The following LHFPL3 variants were observed in gnomAD, a reference collection of about 807,000 sequenced individuals.
The protein encoded by LHFPL3 is LHFPL tetraspan subfamily member 3 protein.
LHFPL3 carries 5 observed loss-of-function variants against 19.3 expected under a neutral mutation model. The observed-to-expected ratio is 0.26, with a 90% CI of 0.14 to 0.54. LHFPL3 has a LOEUF of 0.54. Ranked by LOEUF, LHFPL3 falls within the 20% of genes least tolerant of loss-of-function variation. The pLI is 0.94. For missense variants in LHFPL3, 249 were observed against 307.4 expected, an observed-to-expected ratio of 0.81 and a Z score of 1.42; for synonymous variants, 133 against 126.2, an observed-to-expected ratio of 1.05 and a Z score of -0.36.
chr7:104,669,578 C>T lies in LHFPL3; in HGVS notation c.446-67097C>T, dbSNP rs1445705006. The T allele has an allele frequency of 5.0e-6, 8 of 1,611,394 alleles. No homozygotes were observed. The East Asian group carries it at 1.3e-4, about 27-fold the overall frequency. ...GAGGGAGAAGATTATGCCAAATAGA[C>T]CTCTACATCCTGTGCTTTTCTCCTA... On this transcript the variant is annotated intron_variant, in intron 1 of 2. Coordinates refer to ENST00000424859, the MANE Select transcript of LHFPL3 (RefSeq NM_199000.3).
intron 1 of LHFPL3, among the ~76,000 whole-genome samples, chr7:104,409,241 G>C (rs899747358): frequency 1.3e-5 from 2 of 151,632 alleles, no homozygotes; most frequent in African/African-American, 2.4e-5. Flanking sequence ...CCTGCTTTTT[G>C]TTTAGAAAAT....
Position 104,440,550 on chromosome 7 carries a change from A to G in LHFPL3, c.445+111326A>G, listed in dbSNP as rs554934685. ...GCACATTGTGCACATGTACCCTAGA[A>G]CTTAAAGTATAATAAAACATATATA... On this transcript the variant is annotated intron_variant, in intron 1 of 2. Transcript: ENST00000424859. 2.0e-5 allele frequency among the ~76,000 whole-genome samples: 3 copies of G among 152,238 alleles called. No homozygotes were observed. In the South Asian group the frequency reaches 6.2e-4, roughly 32 times the overall value.
In LHFPL3 at chr7:104,433,424, A is replaced by G. The variant is rs139197526; in HGVS notation, c.445+104200A>G. On this transcript the variant is annotated intron_variant, in intron 1 of 2. Transcript: ENST00000424859. ...TGAGAATTACTGCTCTATTACAACCATCTGATCCCCTTACTTCCCAGCTAA... is the reference window on the plus strand; with the variant it reads ...TGAGAATTACTGCTCTATTACAACCGTCTGATCCCCTTACTTCCCAGCTAA... 2.0e-3 allele frequency among the ~76,000 whole-genome samples: 309 copies of G among 152,292 alleles called. 1 individual carries two copies. The highest frequency in any genetic ancestry group is 7.0e-3 in the African/African-American group (291 of 41,556).
intron 2 of LHFPL3, among the ~76,000 whole-genome samples, chr7:104,877,183 G>A (rs1448573281): frequency 1.3e-5 from 2 of 152,096 alleles, no homozygotes; most frequent in Non-Finnish European, 2.9e-5. Flanking sequence ...GTTAAATGAC[G>A]AGTTACTGGG....
intron 1 of LHFPL3, among the ~76,000 whole-genome samples, chr7:104,530,370 A>C (rs1794273349): frequency 6.6e-6 from 1 of 152,204 alleles, no homozygotes; most frequent in African/African-American, 2.4e-5. Flanking sequence ...CATATGTCCT[A>C]GAGAGTGGTT....
intron 2 of LHFPL3, among the ~76,000 whole-genome samples, chr7:104,753,750 A>G (rs913160145): frequency 2.0e-5 from 3 of 152,206 alleles, no homozygotes; most frequent in Non-Finnish European, 4.4e-5. Context: ...TGAATAGGTA[A>G]TTTTTAGAAA....
At chr7:104,395,868 A>G (rs1791173488) in intron 1 of LHFPL3, among the ~76,000 whole-genome samples, 1 of 152,240 alleles carries the variant, frequency 6.6e-6, no homozygotes, top group Non-Finnish European at 1.5e-5. Context: ...CTCTCAAAAA[A>G]TAAAACTTTC....
rs189023077 is a variant in LHFPL3, at chr7:104,886,494, A to G, written c.683-19693A>G. ...ATTCTCCTGCCTCAGCCTCCCGAGT[A>G]GTTGGGATTACAGGCGCCCACCACC... is the stretch of plus-strand genomic sequence containing the variant. On this transcript the variant is annotated intron_variant, in intron 2 of 2. Coordinates refer to ENST00000424859, the MANE Select transcript of LHFPL3 (RefSeq NM_199000.3). Among the ~76,000 whole-genome samples the G allele has an allele frequency of 9.9e-4, 150 of 152,026 alleles. 1 individual carries two copies. Among genetic ancestry groups the G allele is most frequent in the Non-Finnish European group, 5.9e-4 (40 of 67,964 alleles).
intron 1 of LHFPL3, among the ~76,000 whole-genome samples, chr7:104,558,550 T>C (rs1376983119): frequency 2.0e-5 from 3 of 151,432 alleles, no homozygotes; most frequent in Non-Finnish European, 4.4e-5. Context: ...TGTAAATTTG[T>C]TTGAGTTCAT....
chr7:104,848,193 G>A (rs1791348191), intron 2 of LHFPL3, among the ~76,000 whole-genome samples: 1 of 152,176 alleles, frequency 6.6e-6, no homozygotes. Flanking sequence ...GAGGACTCTT[G>A]ATGCCGCCTC....
At chr7:104,564,180 T>C (rs945560424) in intron 1 of LHFPL3, among the ~76,000 whole-genome samples, 2 of 152,344 alleles carry the variant, frequency 1.3e-5, no homozygotes, top group African/African-American at 4.8e-5. Flanking sequence ...TTTTCACTTA[T>C]GTTTGTTTCA....
At chr7:104,713,445 G>T (rs541710100) in intron 1 of LHFPL3, among the ~76,000 whole-genome samples, 1 of 152,182 alleles carries the variant, frequency 6.6e-6, no homozygotes, top group African/African-American at 2.4e-5. Context: ...GCGGAAAAAG[G>T]CATGTCTTAC....
intron 1 of LHFPL3, among the ~76,000 whole-genome samples, chr7:104,444,728 C>T (rs1266470374): frequency 1.3e-5 from 2 of 152,092 alleles, no homozygotes; most frequent in African/African-American, 4.8e-5. Context: ...GTGGCTTAGA[C>T]CTATAATCCC....
chr7:104,579,133 A>G lies in LHFPL3; in HGVS notation c.446-157542A>G, dbSNP rs374384924. Among the ~76,000 whole-genome samples the G allele has an allele frequency of 3.2e-4, 49 of 152,322 alleles. 1 individual carries two copies. In the East Asian group the frequency reaches 6.0e-3, roughly 19 times the overall value. On this transcript the variant is annotated intron_variant, in intron 1 of 2. Transcript: ENST00000424859. Reference sequence around the variant, plus strand: ...ACTGTAGTATTCAGAGGAAATCTGTATACTATTGGAAGGCAATATGCTTTA... The same window carrying G: ...ACTGTAGTATTCAGAGGAAATCTGTGTACTATTGGAAGGCAATATGCTTTA...
At chr7:104,616,279 C>T (rs1017775682) in intron 1 of LHFPL3, among the ~76,000 whole-genome samples, 6 of 152,244 alleles carry the variant, frequency 3.9e-5, no homozygotes, top group African/African-American at 1.4e-4. Flanking sequence ...GCTACTAGTA[C>T]CAAAACAGTC....
intron 1 of LHFPL3, among the ~76,000 whole-genome samples, chr7:104,567,499 G>C (rs778186859): frequency 2.0e-5 from 3 of 152,216 alleles, no homozygotes; most frequent in Non-Finnish European, 2.9e-5. Flanking sequence ...TGTAGCATCA[G>C]GTGAGCACCT....
At chr7:104,476,992 T>C (rs1401758279) in intron 1 of LHFPL3, among the ~76,000 whole-genome samples, 2 of 152,056 alleles carry the variant, frequency 1.3e-5, no homozygotes, top group Non-Finnish European at 2.9e-5. Flanking sequence ...TTCTGCTTTT[T>C]TGTTTGTTTG....
intron 1 of LHFPL3, among the ~76,000 whole-genome samples, chr7:104,373,687 C>T (rs1253342044): frequency 6.8e-6 from 1 of 147,074 alleles, no homozygotes; most frequent in Non-Finnish European, 1.5e-5. Context: ...AACTCAAAGG[C>T]AGGTGGGAGG....
chr7:104,454,737 T>G (rs1467435142), intron 1 of LHFPL3, among the ~76,000 whole-genome samples: 1 of 152,156 alleles, frequency 6.6e-6, no homozygotes, highest in East Asian at 1.9e-4. Context: ...ATTGTTTGTT[T>G]CCTTCTCTAC....
Sources: gnomAD v4.1 joint callset for allele counts (sites outside exome capture counted in the v4.1 genomes callset) on GRCh38, gnomAD v4.1.1 for gene constraint, MANE v1.5 for transcripts, NCBI Gene and HGNC (gene_info 2026-07-23, HGNC 2026-07-21) for gene names.